The following CWC25 variants were observed in gnomAD, a reference collection of about 807,000 sequenced individuals.
The protein encoded by CWC25 is CWC25 spliceosome associated protein, also known as pre-mRNA-splicing factor CWC25 homolog.
Under a neutral mutation model 54.6 loss-of-function variants are expected in CWC25, and 31 were observed. The observed-to-expected ratio is 0.57, with a 90% CI of 0.43 to 0.77. The LOEUF (loss-of-function observed/expected upper bound fraction) is 0.77. Among genes scored for constraint, CWC25 ranks in the 30% least tolerant of loss-of-function variants. CWC25 has a pLI of 0.00. For synonymous variants in CWC25, 151 were observed against 187.0 expected (o/e 0.81, Z 1.57); for missense variants, 453 against 529.3 (o/e 0.86, Z 1.41).
chr17:38,807,737 G>C (rs80314978), intron 6 of CWC25, among the ~76,000 whole-genome samples: 10,624 of 125,710 alleles, frequency 0.085, 2,073 homozygotes, highest in East Asian at 0.49. Context: ...GCTTGGATGA[G>C]AGAGAAAGAC....
intron 8 of CWC25, 125 bp from the exon 9 acceptor site, chr17:38,802,986 C>A: frequency 9.2e-7 from 1 of 1,086,372 alleles, no homozygotes; most frequent in Non-Finnish European, 1.3e-6. Flanking sequence ...AAGTGCAAGG[C>A]CAGCCTGAGT....
intron 2 of CWC25, 83 bp downstream of exon 2, chr17:38,820,818 G>A: frequency 2.1e-6 from 3 of 1,458,340 alleles, no homozygotes; most frequent in Non-Finnish European, 2.8e-6. Context: ...TAAGCACTCA[G>A]CCATTATACA....
In CWC25 at chr17:38,810,528, T is replaced by C. The variant is rs774383470; in HGVS notation, c.566A>G (p.His189Arg). The C allele has an allele frequency of 3.1e-6, 5 of 1,604,186 alleles. No homozygotes were observed. In the Admixed American group the frequency reaches 8.5e-5, roughly 27 times the overall value. The change falls in exon 5 of 10, where the codon CAT becomes CGT. Residue 189 changes from histidine (H) to arginine (R), a missense_variant. By Grantham distance (29) the His-to-Arg change is conservative (BLOSUM62 0). This residue lies in a region of CWC25 where 444 missense variants were observed against 499.2 expected (regional missense o/e 0.89). Coordinates refer to ENST00000614790, the MANE Select transcript of CWC25 (RefSeq NM_017748.5). Reference sequence around the variant, plus strand: ...ATCACTACTCGAGCTTCTGTGCTTATGTTTCTTGTGCTTCTTTTTCTTCTC... The same window carrying C: ...ATCACTACTCGAGCTTCTGTGCTTACGTTTCTTGTGCTTCTTTTTCTTCTC... ...KKEKKKKHKK[H>R]KHRSSSSDRS...
At chr17:38,821,201 G>T in intron 1 of CWC25, 128 bp from the exon 2 acceptor site, 1 of 822,714 alleles carries the variant, frequency 1.2e-6, no homozygotes, top group Non-Finnish European at 1.9e-6. Context: ...TTCAACAATG[G>T]CAAGGTTTTC....
chr17:38,819,050 G>C (rs1242941659), intron 2 of CWC25, among the ~76,000 whole-genome samples: 1 of 151,984 alleles, frequency 6.6e-6, no homozygotes, highest in Non-Finnish European at 1.5e-5. Context: ...TAGAGGCAGA[G>C]TCTCACTCTG....
intron 3 of CWC25, among the ~76,000 whole-genome samples, chr17:38,813,506 G>A (rs1911573837): frequency 6.7e-6 from 1 of 148,862 alleles, no homozygotes; most frequent in Admixed American, 6.8e-5. Context: ...CGACATGATG[G>A]TGTCAAAGCC....
chr17:38,809,620 C>A, intron 6 of CWC25, 82 bp downstream of exon 6: 1 of 1,355,146 alleles, frequency 7.4e-7, no homozygotes, highest in Non-Finnish European at 1.0e-6. Flanking sequence ...GCTTCACTGC[C>A]CACCTCCCTG....
At position 38,809,594 on chromosome 17, in the gene CWC25, T is replaced by C; in HGVS notation, c.690+108A>G. The stretch of plus-strand genomic sequence containing the variant: ...GTGCTCAGCGATAAGAATGGGCCTG[T>C]TTCCCAGCAGCCCAGGCTTCACTGC... On this transcript the variant is annotated intron_variant, in intron 6 of 9. Transcript: ENST00000614790. The C allele has an allele frequency of 8.0e-6, 8 of 997,434 alleles. No homozygotes were observed. The South Asian group carries it at 1.1e-4, about 14-fold the overall frequency. 61.8% of individuals were successfully genotyped at this position (997,434 alleles called of 1,614,324 possible).
At chr17:38,816,325 T>C (rs1366600318) in intron 2 of CWC25, among the ~76,000 whole-genome samples, 1 of 152,182 alleles carries the variant, frequency 6.6e-6, no homozygotes, top group Non-Finnish European at 1.5e-5. Context: ...CATGGCTCAC[T>C]GCAGCCTTGA....
At chr17:38,812,731 G>T in intron 4 of CWC25, 64 bp downstream of exon 4, 1 of 944,610 alleles carries the variant, frequency 1.1e-6, no homozygotes, top group Non-Finnish European at 1.6e-6. Flanking sequence ...AGAGTAAATG[G>T]AGAGACGTTC....
intron 1 of CWC25, among the ~76,000 whole-genome samples, chr17:38,823,479 A>G (rs1009400814): frequency 6.6e-6 from 1 of 151,946 alleles, no homozygotes; most frequent in Non-Finnish European, 1.5e-5. Context: ...TAAAAAAAAA[A>G]AAAGAAAAGA....
At chr17:38,824,500 A>G (rs1400006252) in intron 1 of CWC25, among the ~76,000 whole-genome samples, 3 of 152,000 alleles carry the variant, frequency 2.0e-5, no homozygotes, top group Non-Finnish European at 4.4e-5. Context: ...CAGCCTGACC[A>G]ACATGGAGAA....
At chr17:38,817,283 T>C (rs1911741407) in intron 2 of CWC25, among the ~76,000 whole-genome samples, 1 of 148,968 alleles carries the variant, frequency 6.7e-6, no homozygotes, top group African/African-American at 2.5e-5. Flanking sequence ...GAGGTTGCAA[T>C]GTGCTGAGAT....
In CWC25 at chr17:38,820,902, T is replaced by G. The variant is rs1281648716; in HGVS notation, c.190A>C (p.Lys64Gln). The change falls in exon 2 of 10, where the codon AAG becomes CAG. Residue 64 changes from lysine (K) to glutamine (Q), a missense_variant and splice_region_variant. Transcript: ENST00000614790. ...QRYAEDVGAVKKKEEKLDWMY... is the reference protein window; with the variant it reads ...QRYAEDVGAVQKKEEKLDWMY... ...GCGCACCCCCAGCTCCTCACTTACTTGACGGCCCCAACATCCTCCGCATAG... is the reference window on the plus strand; with the variant it reads ...GCGCACCCCCAGCTCCTCACTTACTGGACGGCCCCAACATCCTCCGCATAG... The G allele has an allele frequency of 2.0e-5, 33 of 1,609,914 alleles. No individual in the cohort carries two copies. The highest frequency in any genetic ancestry group is 2.5e-5 in the Non-Finnish European group (29 of 1,178,122).
chr17:38,803,962 T>C (rs1280203792), intron 8 of CWC25, among the ~76,000 whole-genome samples: 4 of 151,910 alleles, frequency 2.6e-5, no homozygotes, highest in Admixed American at 2.6e-4. Flanking sequence ...GGAGGATCAG[T>C]TGAACCTGGG....
chr17:38,823,825 C>A (rs1017542298), intron 1 of CWC25, among the ~76,000 whole-genome samples: 1 of 152,206 alleles, frequency 6.6e-6, no homozygotes, highest in Non-Finnish European at 1.5e-5. Context: ...TTGGCTGTCA[C>A]AACTGGTGGA....
chr17:38,811,490 G>A (rs1222738625), intron 4 of CWC25, among the ~76,000 whole-genome samples: 3 of 146,614 alleles, frequency 2.0e-5, no homozygotes, highest in Non-Finnish European at 4.4e-5. Context: ...CTAAGATCGT[G>A]TCACTGCACC....
rs750607750 is a variant in CWC25, at chr17:38,814,919, C to A, written c.370G>T (p.Ala124Ser). ...CTGGCCATGTCAAGAAGGGAATTGG[C>A]ACCTGATGGGGCAAAGATAGAGCCT... ...LPGSIFAPSG[A>S]NSLLDMASKI... Residue 124 changes from alanine (A) to serine (S), a missense_variant, in exon 3 of 10, where the codon GCC becomes TCC. Coordinates refer to ENST00000614790, the MANE Select transcript of CWC25 (RefSeq NM_017748.5). 11 of 1,613,672 alleles carry A rather than the reference C, an allele frequency of 6.8e-6. No homozygotes were observed. Among genetic ancestry groups the A allele is most frequent in the Non-Finnish European group, 8.5e-6 (10 of 1,179,848 alleles).
intron 4 of CWC25, 75 bp downstream of exon 4, chr17:38,812,720 G>C: frequency 1.2e-6 from 1 of 844,110 alleles, no homozygotes; most frequent in South Asian, 1.6e-5. Flanking sequence ...CTGGTAAGCT[G>C]AGAGTAAATG....
Sources: gnomAD v4.1 joint callset for allele counts (sites outside exome capture counted in the v4.1 genomes callset) on GRCh38, gnomAD v4.1.1 for gene constraint, gnomAD v4.1.1 regional missense constraint, MANE v1.5 for transcripts, NCBI Gene and HGNC (gene_info 2026-07-23, HGNC 2026-07-21) for gene names.